OSBPL9: variants seen among roughly 807,000 people sequenced by gnomAD.
OSBPL9 encodes oxysterol binding protein like 9, also known as oxysterol-binding protein-related protein 9.
Under a neutral mutation model 106.6 loss-of-function variants are expected in OSBPL9, and 40 were observed. The observed-to-expected ratio is 0.38, with a 90% CI of 0.29 to 0.49. The LOEUF (loss-of-function observed/expected upper bound fraction) is 0.49, where lower values mean the gene tolerates loss of function less well. Among genes scored for constraint, OSBPL9 ranks in the 20% least tolerant of loss-of-function variants. The probability of loss-of-function intolerance (pLI) is 0.97; values close to 1 mark genes in which losing one functional copy is unlikely to be tolerated. For synonymous variants in OSBPL9, 269 were observed against 295.4 expected (o/e 0.91, Z 0.92); for missense variants, 609 against 887.2 (o/e 0.69, Z 3.98).
At chr1:51,519,402 G>T in the OSBPL9 span, 1 of 219,078 alleles carries the variant, frequency 4.6e-6, no homozygotes, top group East Asian at 7.1e-5. Flanking sequence ...GGCCCCGCCC[G>T]CCTGCCCGCC....
At chr1:51,554,336 C>T in the OSBPL9 span, among the ~76,000 whole-genome samples, 1 of 152,076 alleles carries the variant, frequency 6.6e-6, no homozygotes, top group Non-Finnish European at 1.5e-5. Context: ...ACATCCTATA[C>T]AAGAGTAGAC....
intron 2 of OSBPL9, among the ~76,000 whole-genome samples, chr1:51,660,543 T>C (rs923826614): frequency 2.0e-5 from 3 of 152,208 alleles, no homozygotes; most frequent in African/African-American, 7.2e-5. Context: ...TTACATACTT[T>C]CAATTCATGT....
chr1:51,631,608 C>T (rs1404009076), intron 1 of OSBPL9, among the ~76,000 whole-genome samples: 2 of 152,094 alleles, frequency 1.3e-5, no homozygotes, highest in East Asian at 1.9e-4. Flanking sequence ...GTAATTGTGA[C>T]GTCCAGAATA....
intron 1 of OSBPL9, among the ~76,000 whole-genome samples, chr1:51,629,304 A>G (rs987086375): frequency 7.9e-5 from 12 of 152,184 alleles, no homozygotes; most frequent in African/African-American, 2.7e-4. Context: ...TTCCATTAGA[A>G]CAGAGACTTT....
intron 1 of OSBPL9, among the ~76,000 whole-genome samples, chr1:51,585,099 A>G (rs1358571920): frequency 6.6e-6 from 1 of 151,770 alleles, no homozygotes; most frequent in Non-Finnish European, 1.5e-5. Context: ...ACTTCAGCCC[A>G]GGAGTTCGAG....
the OSBPL9 span, among the ~76,000 whole-genome samples, chr1:51,548,920 C>T: frequency 1.3e-5 from 2 of 152,164 alleles, no homozygotes; most frequent in Non-Finnish European, 2.9e-5. Flanking sequence ...GTAAACAATG[C>T]TCATATCAGA....
At chr1:51,585,047 A>G (rs974038090) in intron 1 of OSBPL9, among the ~76,000 whole-genome samples, 14 of 152,150 alleles carry the variant, frequency 9.2e-5, no homozygotes, top group Middle Eastern at 3.4e-3. Flanking sequence ...AGTGGTGCAC[A>G]CCTATAGTCT....
At chr1:51,771,570 T>G (rs1332834822) in intron 12 of OSBPL9, among the ~76,000 whole-genome samples, 1 of 152,224 alleles carries the variant, frequency 6.6e-6, no homozygotes, top group African/African-American at 2.4e-5. Flanking sequence ...ATAATCTTTC[T>G]TTAGACCTGT....
At chr1:51,770,996 GGT>G (rs1299931541) in intron 12 of OSBPL9, among the ~76,000 whole-genome samples, 1 of 152,074 alleles carries the variant, frequency 6.6e-6, no homozygotes, top group Non-Finnish European at 1.5e-5. Context: ...TAGGCTCATT[GGT>G]TGTAAGAAAT....
chr1:51,633,125 T>A (rs1645209343), intron 1 of OSBPL9, among the ~76,000 whole-genome samples: 1 of 151,832 alleles, frequency 6.6e-6, no homozygotes, highest in Non-Finnish European at 1.5e-5. Context: ...CCTGGCTAAT[T>A]TTTTTATATT....
chr1:51,772,052 T>G lies in OSBPL9; in HGVS notation c.939-18T>G. 6.3e-7 allele frequency: 1 copy of G among 1,584,440 alleles called. No homozygotes were observed. Among genetic ancestry groups the G allele is most frequent in the Non-Finnish European group, 8.6e-7 (1 of 1,157,942 alleles). On this transcript the variant is annotated intron_variant, in intron 12 of 23. Coordinates refer to ENST00000428468, the MANE Select transcript of OSBPL9 (RefSeq NM_024586.6). Reference sequence around the variant, plus strand: ...ATTGCTTTCTTTAGCTTAAATAAGGTAATTAATGTTTTTATAGTTCTTCTG... The same window carrying G: ...ATTGCTTTCTTTAGCTTAAATAAGGGAATTAATGTTTTTATAGTTCTTCTG...
chr1:51,782,929 C>T (rs1676734579), intron 17 of OSBPL9, among the ~76,000 whole-genome samples: 2 of 152,102 alleles, frequency 1.3e-5, no homozygotes, highest in African/African-American at 4.8e-5. Context: ...GCTGTAGAGA[C>T]CTCAGCAACT....
At chr1:51,647,656 T>G (rs561466682) in intron 1 of OSBPL9, among the ~76,000 whole-genome samples, 1 of 152,338 alleles carries the variant, frequency 6.6e-6, no homozygotes, top group South Asian at 2.1e-4. Context: ...AATTTATTGG[T>G]TTCATCTAAT....
chr1:51,584,445 C>A (rs1645236731), intron 1 of OSBPL9, among the ~76,000 whole-genome samples: 1 of 150,794 alleles, frequency 6.6e-6, no homozygotes, highest in South Asian at 2.1e-4. Flanking sequence ...TGCGGTGGCT[C>A]ATGCTGTAAT....
chr1:51,784,184 G>A, intron 18 of OSBPL9, 80 bp from the exon 19 acceptor site: 1 of 1,486,582 alleles, frequency 6.7e-7, no homozygotes, highest in Non-Finnish European at 9.4e-7. Flanking sequence ...GGAGTATCCT[G>A]GAGTAACCAT....
At chr1:51,594,419 AAGAAAC>A (rs1282626320) in intron 1 of OSBPL9, among the ~76,000 whole-genome samples, 1 of 152,058 alleles carries the variant, frequency 6.6e-6, no homozygotes, top group Non-Finnish European at 1.5e-5. Flanking sequence ...ATAAAAAAGA[AAGAAAC>A]AGAAAAGAAA....
rs777158944 is a variant in OSBPL9 at position 51,745,588 on chromosome 1, C to T, written c.371C>T (p.Thr124Ile). The T allele has an allele frequency of 6.2e-7, 1 of 1,607,140 alleles. No individual in the cohort carries two copies. The highest frequency in any genetic ancestry group is 1.7e-5 in the Admixed American group (1 of 58,642). ...PSVQDFDKKLTEADAYLQILI... is the reference protein window; with the variant it reads ...PSVQDFDKKLIEADAYLQILI... Reference sequence around the variant, plus strand: ...GTCCAAGATTTTGATAAGAAACTTACAGAAGCTGATGCTTACCTACAAATC... The same window carrying T: ...GTCCAAGATTTTGATAAGAAACTTATAGAAGCTGATGCTTACCTACAAATC... Residue 124 changes from threonine to isoleucine, a missense_variant, in exon 5 of 24, where the codon ACA becomes ATA. Thr to Ile is a moderately conservative substitution (Grantham distance 89). This residue lies in a region of OSBPL9 where 72 missense variants were observed against 140.5 expected (regional missense o/e 0.51). Coordinates refer to ENST00000428468, the MANE Select transcript of OSBPL9 (RefSeq NM_024586.6).
chr1:51,607,400 G>C (rs943474304), intron 2 of OSBPL9, among the ~76,000 whole-genome samples: 2 of 152,072 alleles, frequency 1.3e-5, no homozygotes, highest in African/African-American at 4.8e-5. Context: ...GACCTCAAGT[G>C]ATCTGCCCGG....
chr1:51,595,108 C>T (rs1312298469), intron 1 of OSBPL9, among the ~76,000 whole-genome samples: 1 of 152,162 alleles, frequency 6.6e-6, no homozygotes, highest in African/African-American at 2.4e-5. Context: ...CCATTCGAGG[C>T]CTGGGGGTAG....
Sources: allele counts gnomAD v4.1 joint callset (sites outside exome capture counted in the v4.1 genomes callset), GRCh38; gene constraint gnomAD v4.1.1; regional missense constraint gnomAD v4.1.1; transcripts MANE v1.5; gene names NCBI Gene and HGNC (gene_info 2026-07-23, HGNC 2026-07-21).